ANKRD6: variants seen among roughly 807,000 people sequenced by gnomAD.
ANKRD6 encodes ankyrin repeat domain-containing protein 6.
In ANKRD6, 56 loss-of-function variants were observed where a neutral mutation model predicts 82.3. That is an observed-to-expected ratio of 0.68 (90% confidence interval 0.55 to 0.85). The LOEUF is 0.85. ANKRD6 is among the 40% of genes least tolerant of loss of function. ANKRD6 has a pLI of 0.00. For missense variants in ANKRD6, 852 were observed against 907.6 expected (o/e 0.94, Z 0.79); for synonymous variants, 347 against 352.1 (o/e 0.99, Z 0.16).
intron 1 of ANKRD6, among the ~76,000 whole-genome samples, chr6:89,516,536 G>A (rs1781244733): frequency 6.6e-6 from 1 of 151,184 alleles, no homozygotes; most frequent in African/African-American, 2.4e-5. Flanking sequence ...GTGCAGTGGT[G>A]TGATCTCAGC....
intron 7 of ANKRD6, among the ~76,000 whole-genome samples, chr6:89,615,332 T>TAA (rs1801286381): frequency 6.6e-6 from 1 of 152,150 alleles, no homozygotes; most frequent in African/African-American, 2.4e-5. Context: ...ATGGTGTTTT[T>TAA]AAAAAGCTCT....
chr6:89,499,829 T>C (rs1371984595), intron 1 of ANKRD6, among the ~76,000 whole-genome samples: 1 of 152,074 alleles, frequency 6.6e-6, no homozygotes, highest in Non-Finnish European at 1.5e-5. Context: ...GTCTTCCCTT[T>C]CAACTCTGTT....
rs758820712 is a variant in ANKRD6 at position 89,595,993 on chromosome 6, C to T, written c.198C>T (p.Cys66=). ...TCCAGATCTTGCTGAAGGCTGGCTG[C>T]GACCTTGATGTCCAGGATGATGTGA... The part of the protein sequence containing the change: ...PVVQILLKAG[C]DLDVQDDGDQ... Residue 66 remains cysteine, a synonymous_variant, in exon 3 of 16, where the codon TGC becomes TGT. Transcript: ENST00000339746. 28 of 1,609,200 alleles carry T rather than the reference C, an allele frequency of 1.7e-5. No individual in the cohort carries two copies. The highest frequency in any genetic ancestry group is 4.5e-5 in the East Asian group (2 of 44,780).
chr6:89,538,210 C>T lies in ANKRD6; in HGVS notation c.-143-28624C>T, dbSNP rs531630304. Among the ~76,000 whole-genome samples, 103 of 152,280 alleles carry T rather than the reference C, an allele frequency of 6.8e-4. 1 individual carries two copies. Among genetic ancestry groups the T allele is most frequent in the African/African-American group, 2.3e-3 (97 of 41,550 alleles). On this transcript the variant is annotated intron_variant, in intron 1 of 15. Transcript: ENST00000339746. The stretch of plus-strand genomic sequence containing the variant: ...TAAATCTCTTAAATCTTAATCTCTA[C>T]GTTTCTTCTCCATCTCATTTTTCCC...
chr6:89,598,189 AC>A (rs1796315475), intron 3 of ANKRD6: 1 of 985,226 alleles, frequency 1.0e-6, no homozygotes, highest in South Asian at 4.7e-5. Context: ...ACCTGTGGAA[AC>A]CAGTTCTTTA....
At chr6:89,517,195 T>G (rs1199236563) in intron 1 of ANKRD6, among the ~76,000 whole-genome samples, 2 of 152,222 alleles carry the variant, frequency 1.3e-5, no homozygotes, top group Non-Finnish European at 2.9e-5. Context: ...GCCACCATGT[T>G]TGTGTAATTT....
At chr6:89,491,371 TC>T (rs1313849696) in intron 1 of ANKRD6, among the ~76,000 whole-genome samples, 1 of 152,046 alleles carries the variant, frequency 6.6e-6, no homozygotes, top group African/African-American at 2.4e-5. Flanking sequence ...TGCTCTTACT[TC>T]CCCCACAACC....
intron 1 of ANKRD6, among the ~76,000 whole-genome samples, chr6:89,559,304 G>C (rs950070714): frequency 1.3e-5 from 2 of 152,062 alleles, no homozygotes; most frequent in African/African-American, 4.8e-5. Flanking sequence ...TGTTTCCTCT[G>C]CCTGTGTCTT....
chr6:89,612,146 G>A (rs930103959), intron 5 of ANKRD6, 126 bp from the exon 6 acceptor site: 29 of 770,444 alleles, frequency 3.8e-5, no homozygotes, highest in Admixed American at 5.4e-5. Context: ...TGAAACCATC[G>A]GGCAAGAGGC....
chr6:89,449,029 C>CAAAAAAAA (rs368751340), intron 1 of ANKRD6, among the ~76,000 whole-genome samples: 1 of 52,418 alleles, frequency 1.9e-5, no homozygotes, highest in Admixed American at 1.9e-4. Context: ...GACTCCGTCT[C>CAAAAAAAA]AAAAAAAAAA....
intron 1 of ANKRD6, among the ~76,000 whole-genome samples, chr6:89,513,434 T>C (rs1258939627): frequency 2.0e-5 from 3 of 152,226 alleles, no homozygotes; most frequent in Non-Finnish European, 4.4e-5. Context: ...CGATGACTTT[T>C]GCCTGTTCTG....
At chr6:89,544,147 A>C (rs1784752929) in intron 1 of ANKRD6, among the ~76,000 whole-genome samples, 1 of 152,210 alleles carries the variant, frequency 6.6e-6, no homozygotes, top group South Asian at 2.1e-4. Flanking sequence ...CTTTCATAAG[A>C]GATCCACACT....
intron 1 of ANKRD6, among the ~76,000 whole-genome samples, chr6:89,434,659 T>G (rs964680665): frequency 5.9e-5 from 9 of 152,198 alleles, no homozygotes; most frequent in Non-Finnish European, 1.2e-4. Context: ...TAAGCTGGTC[T>G]CGAACTCCTC....
At chr6:89,465,542 C>T (rs1582750182) in intron 1 of ANKRD6, among the ~76,000 whole-genome samples, 1 of 151,974 alleles carries the variant, frequency 6.6e-6, no homozygotes, top group South Asian at 2.1e-4. Flanking sequence ...GCTACTTAAC[C>T]CTGGTGCCCC....
chr6:89,568,927 ATATAATT>A (rs1789144377), intron 2 of ANKRD6, among the ~76,000 whole-genome samples: 1 of 142,592 alleles, frequency 7.0e-6, no homozygotes, highest in Non-Finnish European at 1.5e-5. Context: ...TTTTATATAT[ATATAATT>A]TTTTTTTTTT....
chr6:89,617,068 C>T (rs1436180223), intron 8 of ANKRD6: 1 of 392,958 alleles, frequency 2.5e-6, no homozygotes, highest in Non-Finnish European at 5.2e-6. Flanking sequence ...CTTTGCCTGA[C>T]CTCACTGTTT....
chr6:89,480,722 G>C, intron 1 of ANKRD6, among the ~76,000 whole-genome samples: 1 of 151,040 alleles, frequency 6.6e-6, no homozygotes, highest in East Asian at 1.9e-4. Flanking sequence ...AGGATCACTT[G>C]AGGCCAGGAG....
At chr6:89,536,292 A>G (rs1309724256) in intron 1 of ANKRD6, among the ~76,000 whole-genome samples, 2 of 152,222 alleles carry the variant, frequency 1.3e-5, no homozygotes, top group Non-Finnish European at 2.9e-5. Context: ...CTCAATAAAC[A>G]TTAGCACTCT....
At chr6:89,603,320 A>ATTTTTT (rs1229759944) in intron 4 of ANKRD6, among the ~76,000 whole-genome samples, 193 bp downstream of exon 4, 2 of 114,706 alleles carry the variant, frequency 1.7e-5, no homozygotes, top group Non-Finnish European at 3.5e-5. Flanking sequence ...GCCAATTGTA[A>ATTTTTT]TTTTTTTTTT....
Sources: gnomAD v4.1 joint callset for allele counts (sites outside exome capture counted in the v4.1 genomes callset) on GRCh38, gnomAD v4.1.1 for gene constraint, MANE v1.5 for transcripts, NCBI Gene and HGNC (gene_info 2026-07-23, HGNC 2026-07-21) for gene names.